PTPRB: variants seen among roughly 807,000 people sequenced by gnomAD.
The protein encoded by PTPRB is receptor-type tyrosine-protein phosphatase beta.
A neutral mutation model predicts 238.1 loss-of-function variants in PTPRB; 97 were observed. That is an observed-to-expected ratio of 0.41 (90% CI 0.35 to 0.48). PTPRB has a LOEUF of 0.48. PTPRB is among the 20% of genes least tolerant of loss of function. The pLI is 0.30. For synonymous variants in PTPRB, 970 were observed against 995.4 expected (o/e 0.97, Z 0.48); for missense variants, 2,292 against 2,681.9 (o/e 0.85, Z 3.21).
intron 18 of PTPRB, among the ~76,000 whole-genome samples, chr12:70,557,960 C>T (rs549889559): frequency 6.4e-4 from 97 of 152,336 alleles, no homozygotes; most frequent in African/African-American, 2.2e-3. Flanking sequence ...ACAATGCGCC[C>T]TTCTGTTTTC....
Position 70,547,353 on chromosome 12 carries a change from T to G in PTPRB, c.5388-2690A>C, listed in dbSNP as rs997225824. Among the ~76,000 whole-genome samples the G allele has an allele frequency of 5.9e-5, 9 of 152,202 alleles. No homozygotes were observed. The South Asian group carries it at 1.9e-3, about 31-fold the overall frequency. ...TAAAGGGGAAGGTGAGGAGTTGGTGTGTTTTGCTAATTTTGGAAGGCAGCT... is the reference window on the plus strand; with the variant it reads ...TAAAGGGGAAGGTGAGGAGTTGGTGGGTTTTGCTAATTTTGGAAGGCAGCT... On this transcript the variant is annotated intron_variant, in intron 21 of 33. Transcript: ENST00000334414.
intron 33 of PTPRB, among the ~76,000 whole-genome samples, chr12:70,523,561 G>A (rs1472641977): frequency 6.6e-6 from 1 of 152,114 alleles, no homozygotes; most frequent in Non-Finnish European, 1.5e-5. Flanking sequence ...AAGTAGTAAA[G>A]CTTATTGCTT....
chr12:70,579,268 A>G (rs1881112171), intron 10 of PTPRB, among the ~76,000 whole-genome samples: 1 of 152,212 alleles, frequency 6.6e-6, no homozygotes, highest in African/African-American at 2.4e-5. Flanking sequence ...AAATAAGTTA[A>G]TGGCAGAGCT....
intron 6 of PTPRB, 41 bp from the exon 7 acceptor site, chr12:70,592,586 C>G: frequency 6.3e-7 from 1 of 1,585,112 alleles, no homozygotes; most frequent in East Asian, 2.2e-5. Context: ...TACTCAGGAT[C>G]TCTCACAAGT....
Position 70,562,892 on chromosome 12 carries a change from T to A in PTPRB, c.4120A>T (p.Thr1374Ser), listed in dbSNP as rs778909519. The A allele has an allele frequency of 2.5e-6, 4 of 1,613,854 alleles. No individual in the cohort carries two copies. In the African/African-American group the frequency reaches 5.3e-5, roughly 22 times the overall value. The change falls in exon 16 of 34, where the codon ACT becomes TCT. Residue 1374 changes from threonine (T) to serine (S), a missense_variant. By Grantham distance (58) the Thr-to-Ser change is moderately conservative. Transcript: ENST00000334414. Reference sequence around the variant, plus strand: ...TCATTAGACAGCTCCCCACTGTGAGTTACAATCACCATCTTGTACATTCTG... The same window carrying A: ...TCATTAGACAGCTCCCCACTGTGAGATACAATCACCATCTTGTACATTCTG... Reference protein sequence around the residue: ...QGRMYKMVIVTHSGELSNESF... With the variant: ...QGRMYKMVIVSHSGELSNESF...
intron 2 of PTPRB, among the ~76,000 whole-genome samples, chr12:70,628,261 A>T (rs959185708): frequency 6.6e-6 from 1 of 152,246 alleles, no homozygotes; most frequent in Non-Finnish European, 1.5e-5. Flanking sequence ...ATAAATGAAT[A>T]AATGCTGATT....
rs1277409251 is a variant in PTPRB at position 70,516,197 on chromosome 12, T to C, written c.*5292A>G. 1 of 152,162 alleles carries C rather than the reference T, an allele frequency of 6.6e-6. No individual in the cohort carries two copies. The highest frequency in any genetic ancestry group is 1.5e-5 in the Non-Finnish European group (1 of 68,020). 9.4% of individuals were successfully genotyped at this position (152,162 alleles called of 1,614,324 possible). On this transcript the variant is annotated 3_prime_UTR_variant, in exon 34 of 34. Coordinates refer to ENST00000334414, the MANE Select transcript of PTPRB (RefSeq NM_001109754.4). The stretch of plus-strand genomic sequence containing the variant: ...TTACATTATTTATGCTTCACACAAA[T>C]GAAGGAATGGCTAGATTAACCTGCA...
In PTPRB at chr12:70,538,907, T is replaced by G. The variant is rs772658091; in HGVS notation, c.5869+17A>C. 1.3e-6 allele frequency: 2 copies of G among 1,598,130 alleles called. No homozygotes were observed. The highest frequency in any genetic ancestry group is 1.7e-6 in the Non-Finnish European group (2 of 1,167,780). ...GCTAGAGGAAGACAGTATTACAAAT[T>G]TTGACACAAAACTTACAGGGCAATA... On this transcript the variant is annotated intron_variant, in intron 27 of 33. Coordinates refer to ENST00000334414, the MANE Select transcript of PTPRB (RefSeq NM_001109754.4).
At position 70,612,398 on chromosome 12, in the gene PTPRB, T is replaced by C. The variant is rs1884496092; in HGVS notation, c.709-3059A>G. ...ATCATCTTTTCTATGAGGAGTTTAT[T>C]TGAAACTACTGGACAAAGTATAAAT... On this transcript the variant is annotated intron_variant, in intron 3 of 33. Transcript: ENST00000334414. Among the ~76,000 whole-genome samples, 4 of 152,354 alleles carry C rather than the reference T, an allele frequency of 2.6e-5. No individual in the cohort carries two copies. In the South Asian group the frequency reaches 8.3e-4, roughly 32 times the overall value.
chr12:70,589,754 A>C (rs1205304211), intron 8 of PTPRB, among the ~76,000 whole-genome samples: 1 of 140,308 alleles, frequency 7.1e-6, no homozygotes, highest in Non-Finnish European at 1.6e-5. Flanking sequence ...TTCTTTCATG[A>C]AATAATGGAG....
chr12:70,590,211 C>T lies in PTPRB; in HGVS notation c.1803G>A (p.Leu601=). Residue 601 remains leucine, a synonymous_variant, in exon 8 of 34, where the codon CTG becomes CTA. Transcript: ENST00000334414. ...GRTFPDKVAN[L]EANNNGRMRS... is the part of the protein sequence containing the mutation. ...TCATCCTGCCATTATTGTTTGCCTCCAGGTTTGCAACTTTGTCTGGAACTA... is the reference window on the plus strand; with the variant it reads ...TCATCCTGCCATTATTGTTTGCCTCTAGGTTTGCAACTTTGTCTGGAACTA... 6.4e-7 allele frequency: 1 copy of T among 1,571,698 alleles called. No individual in the cohort carries two copies. Among genetic ancestry groups the T allele is most frequent in the Non-Finnish European group, 8.6e-7 (1 of 1,157,452 alleles).
At chr12:70,584,615 C>T (rs1197714063) in intron 9 of PTPRB, among the ~76,000 whole-genome samples, 1 of 152,058 alleles carries the variant, frequency 6.6e-6, no homozygotes, top group Non-Finnish European at 1.5e-5. Context: ...GAGAAAGTAA[C>T]TTTAAACACA....
intron 27 of PTPRB, 172 bp from the exon 28 acceptor site, chr12:70,538,403 G>T: frequency 1.8e-6 from 1 of 569,596 alleles, no homozygotes; most frequent in Non-Finnish European, 3.1e-6. Context: ...ATGTTGCATA[G>T]GTGGCCTATA....
At chr12:70,522,205 A>G (rs1871729282) in intron 33 of PTPRB, among the ~76,000 whole-genome samples, 1 of 152,180 alleles carries the variant, frequency 6.6e-6, no homozygotes, top group Non-Finnish European at 1.5e-5. Flanking sequence ...ATCATTTAGA[A>G]TGGAGATAAG....
Position 70,571,065 on chromosome 12 carries a change from C to T in PTPRB, c.3331G>A (p.Gly1111Arg), listed in dbSNP as rs184299773. ...QYKILVLTIS[G>R]DVQQSAFIEG... ...ATGAAGGCTGACTGCTGTACATCCC[C>T]GCTAATCGTCAAGACAAGAATTTTG... The change falls in exon 13 of 34, where the codon GGG becomes AGG. Residue 1111 changes from glycine to arginine, a missense_variant. This residue lies in a region of PTPRB where 683 missense variants were observed against 862.0 expected (regional missense o/e 0.79). Transcript: ENST00000334414. 1.5e-5 allele frequency: 24 copies of T among 1,613,966 alleles called. No homozygotes were observed. The highest frequency in any genetic ancestry group is 4.5e-5 in the East Asian group (2 of 44,878).
chr12:70,592,722 G>C (rs1258135265), intron 6 of PTPRB, among the ~76,000 whole-genome samples, 177 bp from the exon 7 acceptor site: 1 of 152,176 alleles, frequency 6.6e-6, no homozygotes, highest in African/African-American at 2.4e-5. Context: ...AATAAAAAAA[G>C]GTTTTAAAGA....
At chr12:70,556,260 C>G (rs1192546574) in intron 18 of PTPRB, 112 bp from the exon 19 acceptor site, 1 of 969,594 alleles carries the variant, frequency 1.0e-6, no homozygotes. Context: ...GACAGACAGG[C>G]AAATACAGAG....
rs371358436 is a variant in PTPRB at position 70,592,429 on chromosome 12, T to C, written c.1633A>G (p.Lys545Glu). 6.2e-5 allele frequency: 100 copies of C among 1,613,846 alleles called. No homozygotes were observed. Among genetic ancestry groups the C allele is most frequent in the Non-Finnish European group, 7.9e-5 (93 of 1,179,858 alleles). ...ACTCTGGATTCCTTGATGGTCCCTT[T>C]GTGAGACAGGGTGATATTGTAAGAA... is the stretch of plus-strand genomic sequence containing the variant. ...VDSYNITLSHKGTIKESRVLA... is the reference protein window; with the variant it reads ...VDSYNITLSHEGTIKESRVLA... Residue 545 changes from lysine (K) to glutamate (E), a missense_variant, in exon 7 of 34, where the codon AAA becomes GAA. By Grantham distance (56) the Lys-to-Glu change is moderately conservative. This residue lies in a region of PTPRB where 1,205 missense variants were observed against 1,287.8 expected (regional missense o/e 0.94). Coordinates refer to ENST00000334414, the MANE Select transcript of PTPRB (RefSeq NM_001109754.4).
chr12:70,572,144 C>A, intron 11 of PTPRB, 57 bp from the exon 12 acceptor site: 1 of 1,450,374 alleles, frequency 6.9e-7, no homozygotes, highest in South Asian at 1.3e-5. Context: ...AGTAATTGAT[C>A]ACAGATGACA....
Sources: allele counts gnomAD v4.1 joint callset (sites outside exome capture counted in the v4.1 genomes callset), GRCh38; gene constraint gnomAD v4.1.1; regional missense constraint gnomAD v4.1.1; transcripts MANE v1.5; gene names NCBI Gene and HGNC (gene_info 2026-07-23, HGNC 2026-07-21).